GRIK2: variants seen among roughly 807,000 people sequenced by gnomAD.
GRIK2 encodes the protein glutamate ionotropic receptor kainate type subunit 2, also known as glutamate receptor ionotropic, kainate 2.
In GRIK2, 32 loss-of-function variants were observed where a neutral mutation model predicts 100.3. The ratio of observed to expected loss-of-function variants is 0.32; its 90% CI spans 0.24 to 0.43. The LOEUF (loss-of-function observed/expected upper bound fraction) is 0.43, where lower values mean the gene tolerates loss of function less well. Ranked by LOEUF, GRIK2 falls within the 20% of genes least tolerant of loss-of-function variation. The pLI is 1.00. For missense variants in GRIK2, 843 were observed against 1,114.9 expected, an observed-to-expected ratio of 0.76 and a Z score of 3.47; for synonymous variants, 417 against 389.4, an observed-to-expected ratio of 1.07 and a Z score of -0.83.
chr6:101,571,705 A>G (rs1777540566), intron 2 of GRIK2, among the ~76,000 whole-genome samples: 1 of 152,162 alleles, frequency 6.6e-6, no homozygotes, highest in Non-Finnish European at 1.5e-5. Context: ...AATTTGTAGA[A>G]CTGTGCCTAC....
At chr6:101,835,461 T>A in intron 10 of GRIK2, among the ~76,000 whole-genome samples, 1 of 141,238 alleles carries the variant, frequency 7.1e-6, no homozygotes. Context: ...TACCTATGAG[T>A]TCCTTTTTTT....
chr6:101,820,418 G>T (rs1415108036), intron 10 of GRIK2, among the ~76,000 whole-genome samples: 4 of 151,746 alleles, frequency 2.6e-5, no homozygotes, highest in African/African-American at 7.3e-5. Context: ...TTATTTTATG[G>T]CTCCAAATCT....
chr6:101,879,137 C>T (rs1582441969), intron 11 of GRIK2, among the ~76,000 whole-genome samples: 1 of 152,002 alleles, frequency 6.6e-6, no homozygotes, highest in South Asian at 2.1e-4. Context: ...TGAAAGTACA[C>T]AACTTCTGCT....
chr6:101,649,273 T>G (rs970252404), intron 4 of GRIK2, among the ~76,000 whole-genome samples: 7 of 152,092 alleles, frequency 4.6e-5, no homozygotes, highest in African/African-American at 1.7e-4. Context: ...ATAGCATATT[T>G]TATTTCCATC....
intron 7 of GRIK2, among the ~76,000 whole-genome samples, chr6:101,768,016 G>A (rs1317637121): frequency 6.6e-6 from 1 of 151,890 alleles, no homozygotes; most frequent in South Asian, 2.1e-4. Flanking sequence ...GCGCTACCAT[G>A]CCTGGCTAAT....
chr6:101,837,463 T>G (rs923722092), intron 10 of GRIK2, among the ~76,000 whole-genome samples: 1 of 152,198 alleles, frequency 6.6e-6, no homozygotes, highest in African/African-American at 2.4e-5. Flanking sequence ...ATTGTGTTAA[T>G]CATTTCATAA....
At chr6:101,582,029 AGTTCT>A (rs1778125419) in intron 2 of GRIK2, among the ~76,000 whole-genome samples, 1 of 152,030 alleles carries the variant, frequency 6.6e-6, no homozygotes, top group Admixed American at 6.6e-5. Context: ...TGTGATAGTG[AGTTCT>A]CATGAGATCT....
At position 101,567,113 on chromosome 6, in the gene GRIK2, C is replaced by G. The variant is rs139200053; in HGVS notation, c.116-54836C>G. On this transcript the variant is annotated intron_variant, in intron 2 of 16. Coordinates refer to ENST00000369134, the MANE Select transcript of GRIK2 (RefSeq NM_021956.5). ...TAAAGGTCAGAAACTGTTTTACCTA[C>G]AAACATATATTTCATTGTATTTTCT... 2.3e-3 allele frequency among the ~76,000 whole-genome samples: 343 copies of G among 151,824 alleles called. 1 individual carries two copies. Among genetic ancestry groups the G allele is most frequent in the South Asian group, 0.023 (109 of 4,828 alleles).
chr6:101,734,973 T>C (rs954248726), intron 7 of GRIK2, among the ~76,000 whole-genome samples: 2 of 151,944 alleles, frequency 1.3e-5, no homozygotes, highest in African/African-American at 4.8e-5. Flanking sequence ...TAGTGAGAGA[T>C]TGATTTGATA....
chr6:101,424,891 C>T (rs567387830), intron 2 of GRIK2, among the ~76,000 whole-genome samples: 5 of 151,908 alleles, frequency 3.3e-5, no homozygotes, highest in East Asian at 1.9e-4. Flanking sequence ...ACAAAGGACA[C>T]GAACTCTTCA....
intron 2 of GRIK2, among the ~76,000 whole-genome samples, chr6:101,497,913 A>G (rs1209066057): frequency 6.6e-6 from 1 of 151,794 alleles, no homozygotes; most frequent in Non-Finnish European, 1.5e-5. Context: ...CATATGCACA[A>G]TGTGCAGGTT....
intron 4 of GRIK2, among the ~76,000 whole-genome samples, chr6:101,653,095 A>G (rs1443209124): frequency 6.6e-6 from 1 of 152,130 alleles, no homozygotes; most frequent in African/African-American, 2.4e-5. Flanking sequence ...AGTTGCCTTG[A>G]GGTTGTAAAC....
At chr6:101,782,626 G>A (rs1779167318) in intron 7 of GRIK2, among the ~76,000 whole-genome samples, 1 of 152,096 alleles carries the variant, frequency 6.6e-6, no homozygotes, top group African/African-American at 2.4e-5. Context: ...CACTTAGGTT[G>A]ATTCCATATT....
intron 2 of GRIK2, among the ~76,000 whole-genome samples, chr6:101,473,486 C>T (rs956484445): frequency 6.6e-6 from 1 of 151,734 alleles, no homozygotes; most frequent in Non-Finnish European, 1.5e-5. Flanking sequence ...ACTTAATTTA[C>T]CAAGCTAGTC....
chr6:101,739,870 A>G (rs1449256016), intron 7 of GRIK2, among the ~76,000 whole-genome samples: 1 of 152,148 alleles, frequency 6.6e-6, no homozygotes, highest in East Asian at 1.9e-4. Context: ...CCTAACCCGA[A>G]AAGTATAAGG....
intron 15 of GRIK2, among the ~76,000 whole-genome samples, chr6:102,048,549 G>A (rs917034234): frequency 6.6e-6 from 1 of 152,038 alleles, no homozygotes; most frequent in Non-Finnish European, 1.5e-5. Flanking sequence ...GACCTGAATA[G>A]ACATTTCTCA....
At chr6:101,683,865 T>G (rs993700072) in intron 6 of GRIK2, among the ~76,000 whole-genome samples, 15 of 152,186 alleles carry the variant, frequency 9.9e-5, no homozygotes, top group Admixed American at 2.6e-4. Context: ...CAACAAAATT[T>G]TACTGATTTT....
At chr6:102,060,865 T>C (rs1245583980) in intron 16 of GRIK2, among the ~76,000 whole-genome samples, 1 of 150,644 alleles carries the variant, frequency 6.6e-6, no homozygotes, top group Non-Finnish European at 1.5e-5. Context: ...CACAGCTATA[T>C]TGACTAAAGT....
chr6:101,474,021 T>C (rs1396506343), intron 2 of GRIK2, among the ~76,000 whole-genome samples: 1 of 151,850 alleles, frequency 6.6e-6, no homozygotes, highest in South Asian at 2.1e-4. Flanking sequence ...TAGTTCTTTT[T>C]AAGCCTCCTC....
Sources: allele counts gnomAD v4.1 joint callset (sites outside exome capture counted in the v4.1 genomes callset), GRCh38; gene constraint gnomAD v4.1.1; transcripts MANE v1.5; gene names NCBI Gene and HGNC (gene_info 2026-07-23, HGNC 2026-07-21).